Variants in FOXK1 observed in about 807,000 individuals in gnomAD.
The protein encoded by FOXK1 is forkhead box K1.
Under a neutral mutation model 51.9 loss-of-function variants are expected in FOXK1, and 19 were observed. The ratio of observed to expected loss-of-function variants is 0.37; its 90% CI spans 0.26 to 0.54. The LOEUF (loss-of-function observed/expected upper bound fraction) is 0.54. Among genes scored for constraint, FOXK1 ranks in the 20% least tolerant of loss-of-function variants. The pLI is 0.87. For missense variants in FOXK1, 870 were observed against 1,032.7 expected (o/e 0.84, Z 2.16); for synonymous variants, 537 against 482.6 (o/e 1.11, Z -1.48).
intron 1 of FOXK1, among the ~76,000 whole-genome samples, chr7:4,739,760 C>T (rs1005117705): frequency 2.0e-5 from 3 of 152,322 alleles, no homozygotes; most frequent in Admixed American, 2.0e-4. Context: ...TTGCTCCTTC[C>T]GTTGTCAGAT....
At chr7:4,687,485 G>A (rs945925418) in intron 1 of FOXK1, among the ~76,000 whole-genome samples, 8 of 151,890 alleles carry the variant, frequency 5.3e-5, no homozygotes, top group African/African-American at 1.2e-4. Flanking sequence ...GAGAGACGGG[G>A]TTTCACCACG....
chr7:4,756,719 C>A lies in FOXK1; in HGVS notation c.1051-275C>A, dbSNP rs1469208111. Among the ~76,000 whole-genome samples the A allele has an allele frequency of 2.0e-5, 3 of 151,002 alleles. No homozygotes were observed. Among genetic ancestry groups the A allele is most frequent in the African/African-American group, 7.3e-5 (3 of 41,014 alleles). On this transcript the variant is annotated intron_variant, in intron 4 of 8. Coordinates refer to ENST00000328914, the MANE Select transcript of FOXK1 (RefSeq NM_001037165.2). This position sits in a 1 kb window ranked among gnomAD's most constrained non-coding sequence, Gnocchi z 4.1. The stretch of plus-strand genomic sequence containing the variant: ...GGCGGAACTTGCAGTGAGCCGAGAT[C>A]GTGCCACTGCACTCCATCCTGGGCG...
chr7:4,718,584 C>A (rs6463009), intron 1 of FOXK1, among the ~76,000 whole-genome samples: 11,503 of 152,184 alleles, frequency 0.076, 1,336 homozygotes, highest in African/African-American at 0.25. Flanking sequence ...TTTGAGCGGA[C>A]CTAGGTTTCC....
rs552893113 is a variant in FOXK1, at chr7:4,766,825, G to C, written c.*4361G>C. On this transcript the variant is annotated 3_prime_UTR_variant, in exon 9 of 9. Transcript: ENST00000328914. This position sits in a 1 kb window ranked among gnomAD's most constrained non-coding sequence, Gnocchi z 5.5. ...AGAGGGCCCTCCCTGGAGCACCCCC[G>C]GGGAGCTGGGACTCTCCAGAAAGCC... The C allele has an allele frequency of 1.3e-5, 2 of 152,360 alleles. No individual in the cohort carries two copies. The highest frequency in any genetic ancestry group is 2.4e-5 in the African/African-American group (1 of 41,590). The allele number at this position is 152,360 out of a possible 1,614,324, so 9.4% of individuals were successfully genotyped here.
rs1408055760 is a variant in FOXK1 at position 4,763,490 on chromosome 7, A to G, written c.*1026A>G. 6.6e-6 allele frequency: 1 copy of G among 152,378 alleles called. No individual in the cohort carries two copies. Among genetic ancestry groups the G allele is most frequent in the Non-Finnish European group, 1.5e-5 (1 of 68,176 alleles). 9.4% of individuals were successfully genotyped at this position (152,378 alleles called of 1,614,324 possible). On this transcript the variant is annotated 3_prime_UTR_variant, in exon 9 of 9. Coordinates refer to ENST00000328914, the MANE Select transcript of FOXK1 (RefSeq NM_001037165.2). ...CTCCCACATTGATCTGCTGTTTTCA[A>G]TTGGAACCATTTCTCCTGCCTGAAA...
In FOXK1 at chr7:4,767,674, T is replaced by A. The variant is rs780120653; in HGVS notation, c.*5210T>A. On this transcript the variant is annotated 3_prime_UTR_variant, in exon 9 of 9. Coordinates refer to ENST00000328914, the MANE Select transcript of FOXK1 (RefSeq NM_001037165.2). The surrounding 1 kb of genome is among the most constrained non-coding windows in gnomAD (Gnocchi z 6.6). ...TCTGTCCCTTATTTTTAGATTGTTT[T>A]CCTGCATCTTACAATTTCCTTTTCT... The A allele has an allele frequency of 1.3e-5, 2 of 152,234 alleles. No homozygotes were observed. The highest frequency in any genetic ancestry group is 2.9e-5 in the Non-Finnish European group (2 of 68,054). 9.4% of individuals were successfully genotyped at this position (152,234 alleles called of 1,614,324 possible). A position where few individuals can be genotyped will look rare whatever the true frequency, so the allele number is the denominator to read the frequency against.
At position 4,769,133 on chromosome 7, in the gene FOXK1, T is replaced by G. The variant is rs1332798113; in HGVS notation, c.*6669T>G. ...ATCACTAAGAGGGCAGTCAGTTTAT[T>G]TTTAGGCATCTTTCTTTCTGTCCAG... On this transcript the variant is annotated 3_prime_UTR_variant, in exon 9 of 9. Transcript: ENST00000328914. This position sits in a 1 kb window ranked among gnomAD's most constrained non-coding sequence, Gnocchi z 4.1. 6.6e-6 allele frequency: 1 copy of G among 152,196 alleles called. No homozygotes were observed. Among genetic ancestry groups the G allele is most frequent in the Non-Finnish European group, 1.5e-5 (1 of 68,036 alleles). 9.4% of individuals were successfully genotyped at this position (152,196 alleles called of 1,614,324 possible). A position where few individuals can be genotyped will look rare whatever the true frequency, so the allele number is the denominator to read the frequency against.
In FOXK1 at chr7:4,723,336, C is replaced by T. The variant is rs544319170; in HGVS notation, c.561-17502C>T. Among the ~76,000 whole-genome samples, 1 of 152,096 alleles carries T rather than the reference C, an allele frequency of 6.6e-6. No individual in the cohort carries two copies. Among genetic ancestry groups the T allele is most frequent in the South Asian group, 2.1e-4 (1 of 4,796 alleles). ...CAAAAGAGCTTGTTGGTAAATACTGCCTGAAAACATTGGCTTAATTTGTCT... is the reference window on the plus strand; with the variant it reads ...CAAAAGAGCTTGTTGGTAAATACTGTCTGAAAACATTGGCTTAATTTGTCT... On this transcript the variant is annotated intron_variant, in intron 1 of 8. Coordinates refer to ENST00000328914, the MANE Select transcript of FOXK1 (RefSeq NM_001037165.2). This position sits in a 1 kb window ranked among gnomAD's most constrained non-coding sequence, Gnocchi z 4.7.
intron 1 of FOXK1, among the ~76,000 whole-genome samples, chr7:4,736,880 T>C (rs983396358): frequency 1.3e-5 from 2 of 152,224 alleles, no homozygotes; most frequent in African/African-American, 4.8e-5. Context: ...CCGCACACCT[T>C]ACGGCTCTCA....
chr7:4,743,313 G>T lies in FOXK1; in HGVS notation c.746+2290G>T, dbSNP rs1262545092. ...CACACTGGTAATGCCAGCACTGTGG[G>T]AGGCCAAGGCGGGTGGATCACTTGA... On this transcript the variant is annotated intron_variant, in intron 2 of 8. Coordinates refer to ENST00000328914, the MANE Select transcript of FOXK1 (RefSeq NM_001037165.2). This position sits in a 1 kb window ranked among gnomAD's most constrained non-coding sequence, Gnocchi z 5.3. 6.6e-6 allele frequency among the ~76,000 whole-genome samples: 1 copy of T among 152,212 alleles called. No individual in the cohort carries two copies. The highest frequency in any genetic ancestry group is 1.5e-5 in the Non-Finnish European group (1 of 68,026).
chr7:4,723,313 A>G lies in FOXK1; in HGVS notation c.561-17525A>G, dbSNP rs1490490226. Among the ~76,000 whole-genome samples, 1 of 151,976 alleles carries G rather than the reference A, an allele frequency of 6.6e-6. No homozygotes were observed. The highest frequency in any genetic ancestry group is 1.5e-5 in the Non-Finnish European group (1 of 68,004). ...CGACTCCAGAGTGACAAATATAGCA[A>G]AAGAGCTTGTTGGTAAATACTGCCT... is the stretch of plus-strand genomic sequence containing the variant. On this transcript the variant is annotated intron_variant, in intron 1 of 8. Transcript: ENST00000328914. This position sits in a 1 kb window ranked among gnomAD's most constrained non-coding sequence, Gnocchi z 4.7.
rs111653922 is a variant in FOXK1, at chr7:4,732,818, C to T, written c.561-8020C>T. On this transcript the variant is annotated intron_variant, in intron 1 of 8. Coordinates refer to ENST00000328914, the MANE Select transcript of FOXK1 (RefSeq NM_001037165.2). ...TGGCTCTACTGCTGCCCTCCTCATC[C>T]GGAGCCGCGGGTCTGCGCTGCACGC... Among the ~76,000 whole-genome samples the T allele has an allele frequency of 3.1e-3, 477 of 152,308 alleles. 4 individuals are homozygous for T. The highest frequency in any genetic ancestry group is 0.01 in the African/African-American group (436 of 41,568).
intron 1 of FOXK1, among the ~76,000 whole-genome samples, chr7:4,736,090 A>G (rs1780548997): frequency 6.6e-6 from 1 of 152,126 alleles, no homozygotes; most frequent in Non-Finnish European, 1.5e-5. Flanking sequence ...CGGAGGTTGC[A>G]GTGAGCCGAG....
chr7:4,692,392 C>CT (rs1779903956), intron 1 of FOXK1, among the ~76,000 whole-genome samples: 1 of 152,118 alleles, frequency 6.6e-6, no homozygotes, highest in Non-Finnish European at 1.5e-5. Flanking sequence ...GGGGTAGTTT[C>CT]TTTTTTTGTT....
At chr7:4,759,811 A>C in intron 7 of FOXK1, 1 of 620,582 alleles carries the variant, frequency 1.6e-6, no homozygotes, top group Non-Finnish European at 2.7e-6. Flanking sequence ...CGGGTGGATT[A>C]CTTGAGGTCC....
At chr7:4,693,290 T>C (rs1393536405) in intron 1 of FOXK1, among the ~76,000 whole-genome samples, 2 of 152,216 alleles carry the variant, frequency 1.3e-5, no homozygotes, top group Non-Finnish European at 2.9e-5. Context: ...AACAGAAATC[T>C]TTTATAGGAA....
In FOXK1 at chr7:4,743,137, C is replaced by G. The variant is rs1780657211; in HGVS notation, c.746+2114C>G. 6.6e-6 allele frequency among the ~76,000 whole-genome samples: 1 copy of G among 152,234 alleles called. No individual in the cohort carries two copies. The highest frequency in any genetic ancestry group is 1.5e-5 in the Non-Finnish European group (1 of 68,040). On this transcript the variant is annotated intron_variant, in intron 2 of 8. Coordinates refer to ENST00000328914, the MANE Select transcript of FOXK1 (RefSeq NM_001037165.2). This position sits in a 1 kb window ranked among gnomAD's most constrained non-coding sequence, Gnocchi z 5.3. ...GACTGAGAGCCTGGTGTGTGCCCGC[C>G]TGGCCCTGTGCTGAGCAGTGCACAT...
rs931603387 is a variant in FOXK1, at chr7:4,761,233, G to A, written c.1866G>A (p.Val622=). Reference sequence around the variant, plus strand: ...AGCACCACCTTCCAGTCCGGGCCGTGACCCAGAACGGAAAGCATGCGGTTC... The same window carrying A: ...AGCACCACCTTCCAGTCCGGGCCGTAACCCAGAACGGAAAGCATGCGGTTC... The part of the protein sequence containing the change: ...LGQHHLPVRA[V]TQNGKHAVPT... The change falls in exon 8 of 9, where the codon GTG becomes GTA. Residue 622 remains valine, a synonymous_variant. Coordinates refer to ENST00000328914, the MANE Select transcript of FOXK1 (RefSeq NM_001037165.2). This position sits in a 1 kb window ranked among gnomAD's most constrained non-coding sequence, Gnocchi z 6.2. 1 of 1,613,120 alleles carries A rather than the reference G, an allele frequency of 6.2e-7. No individual in the cohort carries two copies. Among genetic ancestry groups the A allele is most frequent in the Non-Finnish European group, 8.5e-7 (1 of 1,180,020 alleles).
At position 4,707,556 on chromosome 7, in the gene FOXK1, C is replaced by A. The variant is rs543428348; in HGVS notation, c.560+24688C>A. ...GCAGCGAGAGGGTGGGTGTGGGAGT[C>A]GGTGAATTGTCTCTTACGCCTTCCT... On this transcript the variant is annotated intron_variant, in intron 1 of 8. Coordinates refer to ENST00000328914, the MANE Select transcript of FOXK1 (RefSeq NM_001037165.2). This position sits in a 1 kb window ranked among gnomAD's most constrained non-coding sequence, Gnocchi z 4.1. Among the ~76,000 whole-genome samples the A allele has an allele frequency of 6.6e-6, 1 of 152,156 alleles. No homozygotes were observed. Among genetic ancestry groups the A allele is most frequent in the African/African-American group, 2.4e-5 (1 of 41,434 alleles).
Sources: allele counts gnomAD v4.1 joint callset (sites outside exome capture counted in the v4.1 genomes callset), GRCh38; gene constraint gnomAD v4.1.1; non-coding constraint Gnocchi (gnomAD v3.1); transcripts MANE v1.5; gene names NCBI Gene and HGNC (gene_info 2026-07-23, HGNC 2026-07-21).